The following RAB37 variants were observed in gnomAD, a reference collection of about 807,000 sequenced individuals.
The protein encoded by RAB37 is ras-related protein Rab-37.
Under a neutral mutation model 33.1 loss-of-function variants are expected in RAB37, and 29 were observed. The ratio of observed to expected loss-of-function variants is 0.88; its 90% confidence interval spans 0.65 to 1.20. The LOEUF is 1.20. RAB37 is among the 50% of genes most tolerant of loss of function. The pLI is 0.00. For missense variants in RAB37, 299 were observed against 301.1 expected, an observed-to-expected ratio of 0.99 and a Z score of 0.05; for synonymous variants, 128 against 119.5, an observed-to-expected ratio of 1.07 and a Z score of -0.47.
At position 74,744,152 on chromosome 17, in the gene RAB37, T is replaced by A. The variant is rs2034690551; in HGVS notation, c.367-156T>A. Among the ~76,000 whole-genome samples the A allele has an allele frequency of 6.6e-6, 1 of 151,936 alleles. No individual in the cohort carries two copies. The highest frequency in any genetic ancestry group is 6.6e-5 in the Admixed American group (1 of 15,260). ...TGGGTTGAGCCACCAAGGAAGGCCA[T>A]CCAGGCCTGGATGGGCCAGAACAAA... On this transcript the variant is annotated intron_variant, in intron 5 of 8. Coordinates refer to ENST00000392613, the MANE Select transcript of RAB37 (RefSeq NM_001006638.3). The surrounding 1 kb of genome is among the most constrained non-coding windows in gnomAD (Gnocchi z 4.2).
At position 74,730,513 on chromosome 17, in the gene RAB37, T is replaced by C. The variant is rs1451713833; in HGVS notation, c.183+1147T>C. Among the ~76,000 whole-genome samples, 3 of 152,084 alleles carry C rather than the reference T, an allele frequency of 2.0e-5. No homozygotes were observed. Among genetic ancestry groups the C allele is most frequent in the African/African-American group, 7.2e-5 (3 of 41,412 alleles). ...CCTAGAATCGGCCCTGAAACACCAG[T>C]TCCCAGGGCTCTCCCCAGACTGGGA... is the stretch of plus-strand genomic sequence containing the variant. On this transcript the variant is annotated intron_variant, in intron 2 of 7. Coordinates refer to the RAB37 transcript ENST00000340415. This position sits in a 1 kb window ranked among gnomAD's most constrained non-coding sequence, Gnocchi z 4.4.
intron 1 of RAB37, among the ~76,000 whole-genome samples, chr17:74,728,931 TTC>T (rs1168945705): frequency 6.6e-6 from 1 of 152,084 alleles, no homozygotes; most frequent in Non-Finnish European, 1.5e-5. Flanking sequence ...GCATGTATGT[TTC>T]TGTGTCGTGT....
chr17:74,695,030 G>A (rs201658461), intron 1 of RAB37: 10 of 1,526,706 alleles, frequency 6.6e-6, no homozygotes, highest in African/African-American at 1.4e-5. Context: ...GGAGCAGGGG[G>A]CAGACGGTCG....
At chr17:74,697,515 G>A (rs1483547470) in intron 1 of RAB37, among the ~76,000 whole-genome samples, 1 of 152,210 alleles carries the variant, frequency 6.6e-6, no homozygotes, top group Admixed American at 6.5e-5. Context: ...AACTAACAGA[G>A]AGTCAGGCTC....
chr17:74,739,647 C>T (rs367925313), intron 1 of RAB37, among the ~76,000 whole-genome samples: 19 of 151,330 alleles, frequency 1.3e-4, no homozygotes, highest in Middle Eastern at 3.4e-3. Context: ...CTCCTGTCTC[C>T]GCCTCCCAAG....
Position 74,744,759 on chromosome 17 carries a change from C to G in RAB37, c.433-114C>G. ...CTGGCCCCAGGCCAATCACACCTGC[C>G]TGCAGTCCCTTGGGCCACCAGCAGA... is the stretch of plus-strand genomic sequence containing the variant. On this transcript the variant is annotated intron_variant, in intron 6 of 8. Transcript: ENST00000392613. This position sits in a 1 kb window ranked among gnomAD's most constrained non-coding sequence, Gnocchi z 4.2. The G allele has an allele frequency of 7.9e-7, 1 of 1,258,194 alleles. No individual in the cohort carries two copies. The highest frequency in any genetic ancestry group is 1.2e-6 in the Non-Finnish European group (1 of 858,300). The allele number at this position is 1,258,194 out of a possible 1,614,324, so 77.9% of individuals were successfully genotyped here. A position where few individuals can be genotyped will look rare whatever the true frequency, so the allele number is the denominator to read the frequency against.
chr17:74,719,480 A>C (rs757788745), intron 1 of RAB37, among the ~76,000 whole-genome samples: 17 of 152,000 alleles, frequency 1.1e-4, no homozygotes, highest in Non-Finnish European at 2.2e-4. Flanking sequence ...AAATAAAATA[A>C]TTTGCTCACA....
chr17:74,680,258 G>A (rs2031926105), intron 1 of RAB37, among the ~76,000 whole-genome samples: 1 of 151,968 alleles, frequency 6.6e-6, no homozygotes, highest in South Asian at 2.1e-4. Context: ...GTCAGGAGAG[G>A]ACAAGGGGCT....
intron 1 of RAB37, among the ~76,000 whole-genome samples, chr17:74,681,028 G>A (rs113526691): frequency 5.2e-4 from 79 of 152,262 alleles, no homozygotes; most frequent in African/African-American, 1.7e-3. Flanking sequence ...TATTTACTGC[G>A]CACCACATGC....
chr17:74,739,481 T>A (rs1401859263), intron 1 of RAB37, among the ~76,000 whole-genome samples: 1 of 145,040 alleles, frequency 6.9e-6, no homozygotes, highest in Non-Finnish European at 1.5e-5. Context: ...ACTACACATC[T>A]CCCCACTTCA....
upstream of RAB37, among the ~76,000 whole-genome samples, chr17:74,734,333 GC>G (rs2034434888): frequency 6.6e-6 from 1 of 152,174 alleles, no homozygotes; most frequent in South Asian, 2.1e-4. Flanking sequence ...TTAATGGCCT[GC>G]CCTATATTAG....
In RAB37 at chr17:74,704,625, G is replaced by A. The variant is rs556037475; in HGVS notation, c.73-24631G>A. 2.0e-5 allele frequency: 32 copies of A among 1,614,134 alleles called. No homozygotes were observed. The Admixed American group carries it at 2.7e-4, about 13-fold the overall frequency. ...TTCTGATTGTCCTTGATGGACACCC[G>A]GTCCCTCTTCACCTCCTGCTCTGAC... is the stretch of plus-strand genomic sequence containing the variant. On this transcript the variant is annotated intron_variant, in intron 1 of 7. Transcript: ENST00000340415.
At position 74,671,690 on chromosome 17, in the gene RAB37, T is replaced by C. The variant is rs768184759; in HGVS notation, c.72+32T>C. 8.7e-6 allele frequency: 14 copies of C among 1,601,418 alleles called. No homozygotes were observed. Among genetic ancestry groups the C allele is most frequent in the Non-Finnish European group, 1.2e-5 (14 of 1,168,488 alleles). ...ATCTCCTGTATTCCTCAACCTAACG[T>C]TGGAAGAGGCGCCAGCACCAGGAGT... On this transcript the variant is annotated intron_variant, in intron 1 of 7. Transcript: ENST00000340415. The surrounding 1 kb of genome is among the most constrained non-coding windows in gnomAD (Gnocchi z 5.0).
chr17:74,716,840 A>G (rs1271028853), intron 1 of RAB37, among the ~76,000 whole-genome samples: 1 of 152,176 alleles, frequency 6.6e-6, no homozygotes, highest in African/African-American at 2.4e-5. Context: ...TTGTTTTTTA[A>G]ACAAATTTCC....
upstream of RAB37, among the ~76,000 whole-genome samples, chr17:74,734,950 G>C (rs370462480): frequency 1.9e-4 from 20 of 107,532 alleles, no homozygotes; most frequent in African/African-American, 8.2e-4. Context: ...GAAAGAAAGA[G>C]AGAAAGAAGA....
Position 74,744,930 on chromosome 17 carries a change from G to GT in RAB37, c.489+2dup. On this transcript the variant is annotated splice_donor_variant, in intron 7 of 8. Transcript: ENST00000392613. LOFTEE classifies it high-confidence loss of function. This position sits in a 1 kb window ranked among gnomAD's most constrained non-coding sequence, Gnocchi z 4.2. ...CGAAGACGGAGAGACCTTGGCCAGG[G>GT]TAAGTGATTGTCTGTGGGACAGGGT... 6.2e-7 allele frequency: 1 copy of GT among 1,614,274 alleles called. No homozygotes were observed. Among genetic ancestry groups the GT allele is most frequent in the Non-Finnish European group, 8.5e-7 (1 of 1,180,038 alleles).
chr17:74,726,526 C>G (rs927234977), intron 1 of RAB37, among the ~76,000 whole-genome samples: 1 of 152,146 alleles, frequency 6.6e-6, no homozygotes, highest in Non-Finnish European at 1.5e-5. Context: ...AATATTCTCT[C>G]TAGGAAGCAC....
intron 1 of RAB37, among the ~76,000 whole-genome samples, chr17:74,675,112 G>A (rs141525809): frequency 2.2e-4 from 33 of 152,176 alleles, no homozygotes; most frequent in African/African-American, 5.3e-4. Flanking sequence ...ATAATGTAAC[G>A]CGTATATATA....
At chr17:74,710,621 G>A (rs1481103656) in intron 1 of RAB37, among the ~76,000 whole-genome samples, 1 of 151,942 alleles carries the variant, frequency 6.6e-6, no homozygotes, top group African/African-American at 2.4e-5. Context: ...CACTTTGGGA[G>A]GCCAAGGCGG....
Sources: allele counts gnomAD v4.1 joint callset (sites outside exome capture counted in the v4.1 genomes callset), GRCh38; gene constraint gnomAD v4.1.1; non-coding constraint Gnocchi (gnomAD v3.1); transcripts MANE v1.5; gene names NCBI Gene and HGNC (gene_info 2026-07-23, HGNC 2026-07-21).